The following NAV2 variants were observed in gnomAD, a reference collection of about 807,000 sequenced individuals.
The protein encoded by NAV2 is helicase, APC down-regulated 1.
NAV2 carries 54 observed loss-of-function variants against 223.2 expected under a neutral mutation model. The observed-to-expected ratio is 0.24, with a 90% CI of 0.19 to 0.30. The LOEUF (loss-of-function observed/expected upper bound fraction) is 0.30, where lower values mean the gene tolerates loss of function less well. Among genes scored for constraint, NAV2 ranks in the 10% least tolerant of loss-of-function variants. The probability of loss-of-function intolerance (pLI) is 1.00; values close to 1 mark genes in which losing one functional copy is unlikely to be tolerated. For missense variants in NAV2, 2,806 were observed against 3,147.5 expected (o/e 0.89, Z 2.60); for synonymous variants, 1,279 against 1,239.3 (o/e 1.03, Z -0.67).
chr11:19,569,678 AAC>A (rs1245729062), intron 1 of NAV2, among the ~76,000 whole-genome samples: 1 of 152,152 alleles, frequency 6.6e-6, no homozygotes, highest in Non-Finnish European at 1.5e-5. Context: ...GTTTGCTGTC[AAC>A]TTCAAGGCAA....
intron 3 of NAV2, among the ~76,000 whole-genome samples, chr11:19,867,341 A>C (rs1315571323): frequency 6.6e-6 from 1 of 152,156 alleles, no homozygotes; most frequent in Non-Finnish European, 1.5e-5. Context: ...CTGGTTTCTC[A>C]CCCAGCTCTG....
At chr11:19,915,601 C>G (rs2043736215) in intron 6 of NAV2, among the ~76,000 whole-genome samples, 1 of 152,238 alleles carries the variant, frequency 6.6e-6, no homozygotes, top group African/African-American at 2.4e-5. Context: ...CACCAAGTCT[C>G]TAACTCATCT....
intron 1 of NAV2, among the ~76,000 whole-genome samples, chr11:19,814,051 A>G (rs1185859732): frequency 6.6e-6 from 1 of 152,128 alleles, no homozygotes; most frequent in African/African-American, 2.4e-5. Context: ...TTTGTTTCAT[A>G]TGTCCGCCCA....
Position 19,933,876 on chromosome 11 carries a change from C to T in NAV2, c.1632C>T (p.Pro544=). Residue 544 remains proline, a synonymous_variant, in exon 7 of 38, where the codon CCC becomes CCT. Transcript: ENST00000349880. This position sits in a 1 kb window ranked among gnomAD's most constrained non-coding sequence, Gnocchi z 4.3. The part of the protein sequence containing the change: ...KKSSKIASFI[P]KGGKLNSAKK... ...CCTCCAAGATTGCCAGCTTCATCCC[C>T]AAAGGGGGGAAGCTCAACAGTGCCA... 1 of 1,600,678 alleles carries T rather than the reference C, an allele frequency of 6.2e-7. No homozygotes were observed. The highest frequency in any genetic ancestry group is 8.5e-7 in the Non-Finnish European group (1 of 1,175,372).
chr11:19,549,543 C>G (rs1358939081), intron 1 of NAV2, among the ~76,000 whole-genome samples: 2 of 152,136 alleles, frequency 1.3e-5, no homozygotes, highest in African/African-American at 4.8e-5. Context: ...GGGCAGGTAC[C>G]GTGAGAGAGC....
intron 12 of NAV2, among the ~76,000 whole-genome samples, chr11:20,041,820 C>G (rs2056939400): frequency 6.6e-6 from 1 of 152,174 alleles, no homozygotes; most frequent in Non-Finnish European, 1.5e-5. Flanking sequence ...TCTTCTTTTA[C>G]TAAGTAAGTT....
intron 1 of NAV2, among the ~76,000 whole-genome samples, chr11:19,652,129 G>A (rs778937733): frequency 4.6e-5 from 7 of 152,068 alleles, no homozygotes; most frequent in Non-Finnish European, 5.9e-5. Flanking sequence ...ATTAAATGAA[G>A]CCTATTAGAA....
chr11:19,842,971 T>C, intron 3 of NAV2, 48 bp downstream of exon 3: 1 of 1,492,346 alleles, frequency 6.7e-7, no homozygotes. Context: ...CAGCAAGCCC[T>C]GCCTCTAAGT....
At chr11:19,901,127 AC>A (rs2042412030) in intron 6 of NAV2, among the ~76,000 whole-genome samples, 1 of 152,208 alleles carries the variant, frequency 6.6e-6, no homozygotes, top group East Asian at 1.9e-4. Flanking sequence ...GGCATTACAA[AC>A]TGAGTCCTTC....
chr11:19,790,873 A>G (rs918400836), intron 1 of NAV2, among the ~76,000 whole-genome samples: 1 of 150,932 alleles, frequency 6.6e-6, no homozygotes, highest in Non-Finnish European at 1.5e-5. Context: ...AGCTTCAATT[A>G]CTTTTCACTT....
intron 1 of NAV2, among the ~76,000 whole-genome samples, chr11:19,572,077 G>A (rs774421172): frequency 1.3e-5 from 2 of 152,234 alleles, no homozygotes; most frequent in African/African-American, 2.4e-5. Context: ...AACACTGGCA[G>A]ACACAGGGGT....
Position 19,934,044 on chromosome 11 carries a change from G to A in NAV2, c.1800G>A (p.Gln600=). 5 of 1,602,156 alleles carry A rather than the reference G, an allele frequency of 3.1e-6. No individual in the cohort carries two copies. The highest frequency in any genetic ancestry group is 4.3e-6 in the Non-Finnish European group (5 of 1,174,146). The change falls in exon 7 of 38, where the codon CAG becomes CAA. Residue 600 remains glutamine (Q), a synonymous_variant. Transcript: ENST00000349880. ...GGAAGCTGAGCTCAGGACTCCCCCA[G>A]CAGAAGCCCCAGCTGGACGGCAGAC... ...RSGKLSSGLP[Q]QKPQLDGRHS... is the part of the protein sequence containing the mutation.
intron 6 of NAV2, among the ~76,000 whole-genome samples, chr11:19,897,031 CA>C (rs1157980564): frequency 6.6e-6 from 1 of 152,018 alleles, no homozygotes; most frequent in Non-Finnish European, 1.5e-5. Flanking sequence ...GGCACATATA[CA>C]CCATGGAATA....
intron 1 of NAV2, among the ~76,000 whole-genome samples, chr11:19,423,224 C>A (rs1414277420): frequency 6.6e-6 from 1 of 152,162 alleles, no homozygotes; most frequent in African/African-American, 2.4e-5. Flanking sequence ...GTATCTTTAA[C>A]CTTTATACAG....
In NAV2 at chr11:20,054,086, T is replaced by G; in HGVS notation, c.4488T>G (p.Thr1496=). ...NTLPKKGLRY[T]PTSQLRTQED... ...TTGATTTCTGTCTGTCCAGGTATAC[T>G]CCCACCTCCCAGCTTCGCACGCAAG... The change falls in exon 18 of 38, where the codon ACT becomes ACG. Residue 1496 remains threonine (T), a synonymous_variant. Transcript: ENST00000349880. 1 of 1,612,834 alleles carries G rather than the reference T, an allele frequency of 6.2e-7. No individual in the cohort carries two copies. The highest frequency in any genetic ancestry group is 8.5e-7 in the Non-Finnish European group (1 of 1,179,774).
At chr11:20,023,076 C>A in intron 11 of NAV2, 4 of 1,551,570 alleles carry the variant, frequency 2.6e-6, no homozygotes, top group Non-Finnish European at 2.6e-6. Context: ...CTTCTTTGTC[C>A]GCTGTTCTCC....
chr11:19,462,398 G>A (rs914551928), intron 1 of NAV2, among the ~76,000 whole-genome samples: 3 of 152,200 alleles, frequency 2.0e-5, no homozygotes, highest in African/African-American at 4.8e-5. Context: ...GAGATTCAGA[G>A]AGAGAATGAA....
chr11:20,018,116 G>C (rs1042761625), intron 11 of NAV2, among the ~76,000 whole-genome samples: 4 of 152,152 alleles, frequency 2.6e-5, no homozygotes, highest in Non-Finnish European at 5.9e-5. Context: ...CACTTTGGGA[G>C]GCCAAGGCAG....
chr11:19,940,939 A>C (rs2046348481), intron 8 of NAV2, among the ~76,000 whole-genome samples: 1 of 152,152 alleles, frequency 6.6e-6, no homozygotes, highest in Non-Finnish European at 1.5e-5. Flanking sequence ...AGCAATGAGA[A>C]GGGTGTGGAG....
Sources: gnomAD v4.1 joint callset for allele counts (sites outside exome capture counted in the v4.1 genomes callset) on GRCh38, gnomAD v4.1.1 for gene constraint, Gnocchi (gnomAD v3.1) non-coding constraint, MANE v1.5 for transcripts, NCBI Gene and HGNC (gene_info 2026-07-23, HGNC 2026-07-21) for gene names.